Variants in DOCK3 observed in about 807,000 individuals in gnomAD.
The protein encoded by DOCK3 is dedicator of cytokinesis protein 3.
Under a neutral mutation model 265.6 loss-of-function variants are expected in DOCK3, and 60 were observed. The observed-to-expected ratio is 0.23, with a 90% confidence interval of 0.18 to 0.28. The LOEUF (loss-of-function observed/expected upper bound fraction) is 0.28, where lower values mean the gene tolerates loss of function less well. Ranked by LOEUF, DOCK3 falls within the 10% of genes least tolerant of loss-of-function variation. The probability of loss-of-function intolerance (pLI) is 1.00; values close to 1 mark genes in which losing one functional copy is unlikely to be tolerated. For synonymous variants in DOCK3, 881 were observed against 938.0 expected (o/e 0.94, Z 1.11); for missense variants, 1,981 against 2,594.3 (o/e 0.76, Z 5.14).
Position 51,319,811 on chromosome 3 carries a change from G to A in DOCK3, c.3402+4683G>A, listed in dbSNP as rs147377991. Among the ~76,000 whole-genome samples, 892 of 151,792 alleles carry A rather than the reference G, an allele frequency of 5.9e-3. 11 individuals are homozygous for A. The highest frequency in any genetic ancestry group is 0.019 in the African/African-American group (782 of 41,398). ...ACCTGGGAGGTGGGGTTTGTAGTGA[G>A]CTGAGATTGCACCACTGCACTTCAC... is the stretch of plus-strand genomic sequence containing the variant. On this transcript the variant is annotated intron_variant, in intron 32 of 52. Transcript: ENST00000266037.
At chr3:50,874,527 A>C (rs1419010101) in intron 3 of DOCK3, among the ~76,000 whole-genome samples, 1 of 123,684 alleles carries the variant, frequency 8.1e-6, no homozygotes, top group Non-Finnish European at 1.9e-5. Flanking sequence ...AGAAAAAAAA[A>C]AACAAAAAAA....
At chr3:51,109,740 T>C (rs983107141) in intron 9 of DOCK3, among the ~76,000 whole-genome samples, 1 of 151,880 alleles carries the variant, frequency 6.6e-6, no homozygotes, top group Non-Finnish European at 1.5e-5. Context: ...TGAGACCAGC[T>C]TAGGCAACAT....
At chr3:50,702,928 A>G (rs1011608237) in intron 1 of DOCK3, among the ~76,000 whole-genome samples, 1 of 152,126 alleles carries the variant, frequency 6.6e-6, no homozygotes, top group Non-Finnish European at 1.5e-5. Context: ...TCCAGATTTT[A>G]AGGAAAAGCT....
chr3:50,970,979 T>TATATA (rs56109049), intron 5 of DOCK3, among the ~76,000 whole-genome samples: 3 of 70,654 alleles, frequency 4.2e-5, no homozygotes, highest in South Asian at 4.6e-4. Context: ...TATATATATA[T>TATATA]TTTTTTTATT....
chr3:51,349,000 T>C, intron 39 of DOCK3, 62 bp downstream of exon 39: 1 of 1,367,910 alleles, frequency 7.3e-7, no homozygotes, highest in Non-Finnish European at 9.9e-7. Context: ...ATGAGCGTTC[T>C]CTATGGGCCC....
intron 2 of DOCK3, among the ~76,000 whole-genome samples, chr3:50,786,307 C>G (rs1038159418): frequency 6.6e-6 from 1 of 152,062 alleles, no homozygotes; most frequent in Non-Finnish European, 1.5e-5. Context: ...TTGAAACTTA[C>G]AAAAGTCACC....
chr3:51,277,539 G>A (rs1317777365), intron 25 of DOCK3, 69 bp from the exon 26 acceptor site: 3 of 1,480,968 alleles, frequency 2.0e-6, no homozygotes, highest in Non-Finnish European at 1.8e-6. Context: ...GGCTGACCTA[G>A]TAAGTGCTGC....
At chr3:51,246,899 C>A in intron 22 of DOCK3, 92 bp downstream of exon 22, 1 of 1,240,428 alleles carries the variant, frequency 8.1e-7, no homozygotes. Flanking sequence ...CAAATGTAGA[C>A]ATCGCAGTAC....
intron 41 of DOCK3, 65 bp from the exon 42 acceptor site, chr3:51,356,024 G>A: frequency 1.2e-6 from 2 of 1,600,312 alleles, no homozygotes; most frequent in Admixed American, 1.7e-5. Context: ...TTGAGGAGAT[G>A]ACAGGGGTCA....
In DOCK3 at chr3:51,213,980, C is replaced by T. The variant is rs1259142423; in HGVS notation, c.1127-142C>T. On this transcript the variant is annotated intron_variant, in intron 13 of 52. Coordinates refer to ENST00000266037, the MANE Select transcript of DOCK3 (RefSeq NM_004947.5). Reference sequence around the variant, plus strand: ...TTTCCAAAATGTTTCTTCAAAATAACTTATACTGTCTGCATAAAAGTTTTT... The same window carrying T: ...TTTCCAAAATGTTTCTTCAAAATAATTTATACTGTCTGCATAAAAGTTTTT... 55 of 1,097,186 alleles carry T rather than the reference C, an allele frequency of 5.0e-5. 1 individual carries two copies. The Admixed American group carries it at 1.4e-3, about 27-fold the overall frequency. The allele number at this position is 1,097,186 out of a possible 1,614,324, so 68.0% of individuals were successfully genotyped here. A position where few individuals can be genotyped will look rare whatever the true frequency, so the allele number is the denominator to read the frequency against.
chr3:50,773,040 A>G (rs933077793), intron 1 of DOCK3, among the ~76,000 whole-genome samples: 1 of 152,204 alleles, frequency 6.6e-6, no homozygotes, highest in Non-Finnish European at 1.5e-5. Flanking sequence ...TTCAAAATAT[A>G]CAATAAAGCA....
At chr3:51,035,857 A>T (rs2080243626) in intron 5 of DOCK3, among the ~76,000 whole-genome samples, 1 of 152,166 alleles carries the variant, frequency 6.6e-6, no homozygotes, top group African/African-American at 2.4e-5. Context: ...CATAACTCAG[A>T]AATCAGCCAA....
chr3:50,972,888 AT>A (rs35714079), intron 5 of DOCK3, among the ~76,000 whole-genome samples: 111,799 of 144,566 alleles, frequency 0.77, 43,742 homozygotes, highest in Middle Eastern at 0.88. Flanking sequence ...TGCTTTGGCT[AT>A]TTTTTTTTTT....
intron 5 of DOCK3, among the ~76,000 whole-genome samples, chr3:51,011,667 G>A (rs2108771022): frequency 6.6e-6 from 1 of 152,304 alleles, no homozygotes; most frequent in South Asian, 2.1e-4. Flanking sequence ...TTGCGGGCGA[G>A]GAGCTGCATT....
intron 31 of DOCK3, among the ~76,000 whole-genome samples, chr3:51,313,123 C>T (rs977616814): frequency 6.6e-6 from 1 of 152,002 alleles, no homozygotes; most frequent in Non-Finnish European, 1.5e-5. Context: ...AATACATATG[C>T]CAAATCCCTT....
Position 50,682,946 on chromosome 3 carries a change from A to G in DOCK3, c.37+7646A>G, listed in dbSNP as rs115781626. Among the ~76,000 whole-genome samples the G allele has an allele frequency of 6.6e-3, 1,003 of 152,332 alleles. 5 individuals carry two copies. Among genetic ancestry groups the G allele is most frequent in the African/African-American group, 0.023 (938 of 41,572 alleles). On this transcript the variant is annotated intron_variant, in intron 1 of 52. Transcript: ENST00000266037. ...AGAGTAAGACTCTGTGATCCTCCCA[A>G]AGTGTTGGGATTACAGGCGTGAGCC...
chr3:50,817,035 C>G (rs2044124390), intron 2 of DOCK3, among the ~76,000 whole-genome samples: 1 of 152,200 alleles, frequency 6.6e-6, no homozygotes, highest in Non-Finnish European at 1.5e-5. Context: ...ACTCCATAGA[C>G]TGAGCAGCCC....
chr3:50,810,522 A>G (rs935689268), intron 2 of DOCK3, among the ~76,000 whole-genome samples: 4 of 152,088 alleles, frequency 2.6e-5, no homozygotes, highest in Non-Finnish European at 5.9e-5. Context: ...CAGCCTGGGC[A>G]ACAGAGCGAC....
chr3:50,899,985 T>C (rs4446201), intron 4 of DOCK3, among the ~76,000 whole-genome samples: 34,873 of 151,958 alleles, frequency 0.23, 5,274 homozygotes, highest in East Asian at 0.38. Context: ...ATCTTTGTGG[T>C]GGTCTCTGTA....
Sources: gnomAD v4.1 joint callset for allele counts (sites outside exome capture counted in the v4.1 genomes callset) on GRCh38, gnomAD v4.1.1 for gene constraint, MANE v1.5 for transcripts, NCBI Gene and HGNC (gene_info 2026-07-23, HGNC 2026-07-21) for gene names.